ZNF385D: variants seen among roughly 807,000 people sequenced by gnomAD.
ZNF385D encodes zinc finger protein 385D, also known as zinc finger protein 659.
In ZNF385D, 15 loss-of-function variants were observed where a neutral mutation model predicts 35.8. The observed-to-expected ratio is 0.42, with a 90% CI of 0.28 to 0.64. The LOEUF (loss-of-function observed/expected upper bound fraction) is 0.64. Ranked by LOEUF, ZNF385D falls within the 30% of genes least tolerant of loss-of-function variation. The probability of loss-of-function intolerance (pLI) is 0.23; values close to 1 mark genes in which losing one functional copy is unlikely to be tolerated. For synonymous variants in ZNF385D, 212 were observed against 186.8 expected, an observed-to-expected ratio of 1.13 and a Z score of -1.10; for missense variants, 474 against 494.6, an observed-to-expected ratio of 0.96 and a Z score of 0.39.
intron 2 of ZNF385D, among the ~76,000 whole-genome samples, chr3:21,573,869 G>C (rs1179749083): frequency 4.0e-5 from 6 of 151,656 alleles, no homozygotes; most frequent in African/African-American, 1.5e-4. Flanking sequence ...AGACAAGCCT[G>C]GCCAACATGG....
At chr3:21,496,037 A>G (rs1010604426) in intron 4 of ZNF385D, among the ~76,000 whole-genome samples, 2 of 151,816 alleles carry the variant, frequency 1.3e-5, no homozygotes, top group Non-Finnish European at 2.9e-5. Context: ...AACAAGTTCC[A>G]AAATTGAATC....
At chr3:21,612,011 T>C (rs907530463) in intron 2 of ZNF385D, among the ~76,000 whole-genome samples, 3 of 152,226 alleles carry the variant, frequency 2.0e-5, no homozygotes, top group Admixed American at 2.0e-4. Context: ...TACTAAAAGT[T>C]ACCATCATTC....
At chr3:21,570,929 G>A (rs188699730) in intron 2 of ZNF385D, among the ~76,000 whole-genome samples, 11 of 152,142 alleles carry the variant, frequency 7.2e-5, no homozygotes, top group Admixed American at 2.6e-4. Flanking sequence ...ACATTCATAC[G>A]TTAAAAAACA....
intron 3 of ZNF385D, among the ~76,000 whole-genome samples, chr3:21,770,955 T>C (rs910204465): frequency 2.0e-5 from 3 of 152,068 alleles, no homozygotes; most frequent in Non-Finnish European, 4.4e-5. Flanking sequence ...TGGATGAAGC[T>C]GGAAACCATC....
intron 2 of ZNF385D, among the ~76,000 whole-genome samples, chr3:22,204,128 G>A (rs567386298): frequency 1.3e-5 from 2 of 152,160 alleles, no homozygotes; most frequent in East Asian, 3.9e-4. Context: ...GCTCCAGACA[G>A]CTCAGCAGAG....
At chr3:22,069,034 G>C (rs974657829) in intron 3 of ZNF385D, among the ~76,000 whole-genome samples, 5 of 152,188 alleles carry the variant, frequency 3.3e-5, no homozygotes, top group Non-Finnish European at 5.9e-5. Context: ...ACTGTCACAA[G>C]ATGGCTGCCA....
At chr3:21,686,897 A>G (rs2067122498) in intron 1 of ZNF385D, among the ~76,000 whole-genome samples, 2 of 152,226 alleles carry the variant, frequency 1.3e-5, no homozygotes, top group South Asian at 4.1e-4. Context: ...AGTTAAATAC[A>G]GCCACTAGTA....
chr3:22,232,916 A>T (rs1576537251), intron 2 of ZNF385D, among the ~76,000 whole-genome samples: 1 of 152,106 alleles, frequency 6.6e-6, no homozygotes, highest in African/African-American at 2.4e-5. Flanking sequence ...TTCTCTTTTT[A>T]GTTCATCTTA....
chr3:21,937,557 A>C (rs1395849533), intron 3 of ZNF385D, among the ~76,000 whole-genome samples: 3 of 152,146 alleles, frequency 2.0e-5, no homozygotes, highest in Non-Finnish European at 4.4e-5. Context: ...GACTATACTG[A>C]ACTTCTCACT....
chr3:22,006,911 G>C (rs1263295309), intron 3 of ZNF385D, among the ~76,000 whole-genome samples: 2 of 151,942 alleles, frequency 1.3e-5, no homozygotes, highest in East Asian at 1.9e-4. Flanking sequence ...AGTCATTTAA[G>C]GTTTGGTAAG....
intron 3 of ZNF385D, among the ~76,000 whole-genome samples, chr3:21,973,487 C>A (rs1236066321): frequency 1.3e-5 from 2 of 151,970 alleles, no homozygotes; most frequent in African/African-American, 4.8e-5. Context: ...AAACTGACAG[C>A]TTTTCCTCTA....
chr3:22,000,027 C>T (rs145987672), intron 3 of ZNF385D, among the ~76,000 whole-genome samples: 6 of 152,058 alleles, frequency 3.9e-5, no homozygotes, highest in Non-Finnish European at 8.8e-5. Context: ...TTATCTAGGC[C>T]GGGCATGGTG....
chr3:21,806,676 T>C (rs748056469), intron 3 of ZNF385D, among the ~76,000 whole-genome samples: 1 of 152,214 alleles, frequency 6.6e-6, no homozygotes, highest in African/African-American at 2.4e-5. Context: ...ACATATGTTA[T>C]ATAGTAATAA....
At position 21,495,415 on chromosome 3, in the gene ZNF385D, T is replaced by C. The variant is rs551694567; in HGVS notation, c.439+15446A>G. 7.9e-4 allele frequency among the ~76,000 whole-genome samples: 120 copies of C among 152,140 alleles called. 1 individual carries two copies. The highest frequency in any genetic ancestry group is 5.8e-3 in the South Asian group (28 of 4,816). Reference sequence around the variant, plus strand: ...CCTAAGAATATCACTCAAAACCTTATAGTTACATGGAAATTAAACACCCTG... The same window carrying C: ...CCTAAGAATATCACTCAAAACCTTACAGTTACATGGAAATTAAACACCCTG... On this transcript the variant is annotated intron_variant, in intron 4 of 7. Coordinates refer to ENST00000281523, the MANE Select transcript of ZNF385D (RefSeq NM_024697.3).
chr3:22,291,863 T>C (rs1432635656), intron 2 of ZNF385D, among the ~76,000 whole-genome samples: 2 of 152,026 alleles, frequency 1.3e-5, no homozygotes, highest in Non-Finnish European at 2.9e-5. Context: ...TTTACAAACA[T>C]GTGTACTTCA....
intron 1 of ZNF385D, among the ~76,000 whole-genome samples, chr3:21,716,359 A>G (rs1217085405): frequency 6.6e-6 from 1 of 152,134 alleles, no homozygotes; most frequent in Non-Finnish European, 1.5e-5. Context: ...TAAAGTCCCC[A>G]TATGATCACT....
At chr3:22,334,552 T>G (rs1302599723) in intron 2 of ZNF385D, among the ~76,000 whole-genome samples, 1 of 152,162 alleles carries the variant, frequency 6.6e-6, no homozygotes, top group African/African-American at 2.4e-5. Context: ...CGTGTTCTGG[T>G]GATGAATTCT....
At chr3:21,830,742 C>T (rs2630786) in intron 3 of ZNF385D, among the ~76,000 whole-genome samples, 135,813 of 152,250 alleles carry the variant, frequency 0.89, 60,830 homozygotes, top group African/African-American at 0.96. Flanking sequence ...AATGTTTGTG[C>T]CTGGAAATTT....
chr3:22,062,881 T>C, intron 3 of ZNF385D, among the ~76,000 whole-genome samples: 1 of 152,156 alleles, frequency 6.6e-6, no homozygotes, highest in Admixed American at 6.5e-5. Context: ...GAGTGAGTCT[T>C]CATGAAAATG....
Sources: gnomAD v4.1 joint callset for allele counts (sites outside exome capture counted in the v4.1 genomes callset) on GRCh38, gnomAD v4.1.1 for gene constraint, MANE v1.5 for transcripts, NCBI Gene and HGNC (gene_info 2026-07-23, HGNC 2026-07-21) for gene names.